The following EPHA6 variants were observed in gnomAD, a reference collection of about 807,000 sequenced individuals.
EPHA6 encodes ephrin type-A receptor 6.
A neutral mutation model predicts 112.0 loss-of-function variants in EPHA6; 50 were observed. The observed-to-expected ratio is 0.45, with a 90% CI of 0.36 to 0.56. The LOEUF is 0.56. Ranked by LOEUF, EPHA6 falls within the 20% of genes least tolerant of loss-of-function variation. The pLI is 0.00. For missense variants in EPHA6, 1,280 were observed against 1,417.4 expected (o/e 0.90, Z 1.56); for synonymous variants, 529 against 490.7 (o/e 1.08, Z -1.03).
intron 5 of EPHA6, among the ~76,000 whole-genome samples, chr3:97,266,351 T>A (rs974989587): frequency 6.6e-6 from 1 of 152,156 alleles, no homozygotes; most frequent in African/African-American, 2.4e-5. Context: ...TTTTTCCAGT[T>A]TACCGTATTC....
chr3:97,558,927 A>G (rs991544898), intron 11 of EPHA6, among the ~76,000 whole-genome samples: 3 of 152,040 alleles, frequency 2.0e-5, no homozygotes, highest in Admixed American at 6.6e-5. Flanking sequence ...ACAGAATTAA[A>G]ATAGTGCTTA....
chr3:97,695,546 CACTT>C (rs1184063214), intron 14 of EPHA6, among the ~76,000 whole-genome samples: 2 of 152,120 alleles, frequency 1.3e-5, no homozygotes, highest in African/African-American at 4.8e-5. Context: ...CTACAGGTGA[CACTT>C]TATTTATTTA....
chr3:96,957,422 A>G (rs1000857736), intron 2 of EPHA6, among the ~76,000 whole-genome samples: 2 of 152,262 alleles, frequency 1.3e-5, no homozygotes, highest in Admixed American at 1.3e-4. Flanking sequence ...ACCTTTTTAT[A>G]TATGCAGAAG....
At chr3:96,868,064 G>A (rs1291614023) in intron 2 of EPHA6, among the ~76,000 whole-genome samples, 1 of 151,710 alleles carries the variant, frequency 6.6e-6, no homozygotes, top group Non-Finnish European at 1.5e-5. Flanking sequence ...CCATTAAAAT[G>A]AATAAACATT....
chr3:97,657,455 G>A (rs2094143893), intron 14 of EPHA6, among the ~76,000 whole-genome samples: 1 of 151,820 alleles, frequency 6.6e-6, no homozygotes, highest in Non-Finnish European at 1.5e-5. Flanking sequence ...TGGATATGGA[G>A]TCATTAAGAA....
chr3:97,670,792 C>G (rs556433958), intron 14 of EPHA6, among the ~76,000 whole-genome samples: 3 of 152,144 alleles, frequency 2.0e-5, no homozygotes, highest in Non-Finnish European at 4.4e-5. Context: ...TGTAAATCAC[C>G]GTCATCACAC....
At chr3:97,036,532 A>T (rs949256443) in intron 3 of EPHA6, among the ~76,000 whole-genome samples, 11 of 151,990 alleles carry the variant, frequency 7.2e-5, no homozygotes, top group African/African-American at 2.7e-4. Context: ...TGACCCTGAC[A>T]GCTAAGTCAA....
At chr3:97,144,448 C>T (rs1209631210) in intron 3 of EPHA6, among the ~76,000 whole-genome samples, 2 of 141,800 alleles carry the variant, frequency 1.4e-5, no homozygotes, top group Non-Finnish European at 3.0e-5. Flanking sequence ...ATTAGTTTCT[C>T]TTTTTTAGCT....
intron 10 of EPHA6, among the ~76,000 whole-genome samples, chr3:97,517,195 T>C (rs1484599117): frequency 6.6e-6 from 1 of 152,152 alleles, no homozygotes; most frequent in East Asian, 1.9e-4. Flanking sequence ...AGTATATTAA[T>C]ACTCTCAAGC....
At chr3:96,899,864 G>A (rs571546988) in intron 2 of EPHA6, among the ~76,000 whole-genome samples, 2 of 152,062 alleles carry the variant, frequency 1.3e-5, no homozygotes, top group East Asian at 3.9e-4. Flanking sequence ...CCAATTTCAG[G>A]AAATAATCTT....
At chr3:96,953,145 T>G (rs2107726879) in intron 2 of EPHA6, among the ~76,000 whole-genome samples, 1 of 152,348 alleles carries the variant, frequency 6.6e-6, no homozygotes, top group Non-Finnish European at 1.5e-5. Context: ...AGTTAGGTTT[T>G]CCATCCTGTA....
intron 2 of EPHA6, among the ~76,000 whole-genome samples, chr3:96,880,688 T>C (rs1399844995): frequency 6.6e-6 from 1 of 152,054 alleles, no homozygotes; most frequent in Non-Finnish European, 1.5e-5. Context: ...ACCCCATTCT[T>C]CCTCCCCCCA....
chr3:97,391,347 A>G (rs2086384629), intron 5 of EPHA6, among the ~76,000 whole-genome samples: 1 of 151,982 alleles, frequency 6.6e-6, no homozygotes, highest in Admixed American at 6.6e-5. Context: ...GTATGGCACC[A>G]TACTAGGTCC....
intron 1 of EPHA6, among the ~76,000 whole-genome samples, chr3:96,864,594 C>T (rs892152460): frequency 8.6e-5 from 13 of 152,018 alleles, no homozygotes; most frequent in Admixed American, 3.9e-4. Context: ...GGGTAATGGA[C>T]GTATTCTCTA....
At chr3:96,996,351 A>G (rs1337439210) in intron 3 of EPHA6, among the ~76,000 whole-genome samples, 2 of 152,066 alleles carry the variant, frequency 1.3e-5, no homozygotes, top group Non-Finnish European at 2.9e-5. Flanking sequence ...ACCTCCTCCC[A>G]TGAATCACAG....
chr3:97,316,783 C>T (rs1208487574), intron 5 of EPHA6, among the ~76,000 whole-genome samples: 1 of 151,716 alleles, frequency 6.6e-6, no homozygotes, highest in East Asian at 1.9e-4. Context: ...ATGAGAATTT[C>T]CCAAACATTT....
rs573310915 is a variant in EPHA6, at chr3:97,240,313, C to T, written c.1271-3639C>T. On this transcript the variant is annotated intron_variant, in intron 4 of 17. Transcript: ENST00000389672. Reference sequence around the variant, plus strand: ...GATTAGCATAGAACTATTTTTCTCTCATTTGTAAACTCAGAAATATGAATA... The same window carrying T: ...GATTAGCATAGAACTATTTTTCTCTTATTTGTAAACTCAGAAATATGAATA... 1.4e-4 allele frequency among the ~76,000 whole-genome samples: 21 copies of T among 151,874 alleles called. No individual in the cohort carries two copies. In the East Asian group the frequency reaches 3.7e-3, roughly 27 times the overall value.
intron 2 of EPHA6, among the ~76,000 whole-genome samples, chr3:96,928,978 C>T (rs922950792): frequency 4.6e-5 from 7 of 152,054 alleles, no homozygotes; most frequent in Non-Finnish European, 8.8e-5. Context: ...GGTTAATTAT[C>T]CTCAGTCTCA....
intron 11 of EPHA6, among the ~76,000 whole-genome samples, chr3:97,577,239 G>C (rs2093395171): frequency 6.6e-6 from 1 of 152,140 alleles, no homozygotes; most frequent in Non-Finnish European, 1.5e-5. Context: ...AGAGTTGGAA[G>C]TTCTGGAACT....
Sources: gnomAD v4.1 joint callset for allele counts (sites outside exome capture counted in the v4.1 genomes callset) on GRCh38, gnomAD v4.1.1 for gene constraint, MANE v1.5 for transcripts, NCBI Gene and HGNC (gene_info 2026-07-23, HGNC 2026-07-21) for gene names.